Variants in RASSF3 observed in about 807,000 individuals in gnomAD.
RASSF3 encodes Ras association domain family member 3.
In RASSF3, 19 loss-of-function variants were observed where a neutral mutation model predicts 19.9. The observed-to-expected ratio is 0.96, with a 90% CI of 0.67 to 1.40. RASSF3 has a LOEUF of 1.40. Among genes scored for constraint, RASSF3 ranks in the 40% most tolerant of loss-of-function variants. RASSF3 has a pLI of 0.00. For synonymous variants in RASSF3, 110 were observed against 104.2 expected (o/e 1.06, Z -0.34); for missense variants, 306 against 289.8 (o/e 1.06, Z -0.41).
intron 1 of RASSF3, among the ~76,000 whole-genome samples, chr12:64,636,724 G>A (rs1476494819): frequency 6.6e-6 from 1 of 151,878 alleles, no homozygotes; most frequent in Non-Finnish European, 1.5e-5. Flanking sequence ...AAATTAGCCG[G>A]GCATGGTGGT....
chr12:64,535,210 T>A lies in RASSF3; in HGVS notation c.67+1876T>A, dbSNP rs1231016274. Among the ~76,000 whole-genome samples, 3 of 152,148 alleles carry A rather than the reference T, an allele frequency of 2.0e-5. No homozygotes were observed. In the East Asian group the frequency reaches 5.8e-4, roughly 29 times the overall value. On this transcript the variant is annotated intron_variant, in intron 1 of 1. Coordinates refer to the RASSF3 transcript ENST00000636333. ...TGGTCCATATAAGAGCATTCCATTC[T>A]ATTAAAATTACATTTATGGCCAAGC...
At chr12:64,535,582 T>C (rs921996410) in intron 1 of RASSF3, among the ~76,000 whole-genome samples, 3 of 152,058 alleles carry the variant, frequency 2.0e-5, no homozygotes, top group Non-Finnish European at 2.9e-5. Context: ...CCCAAGCTGG[T>C]CTCGAACTCC....
chr12:64,572,032 C>T lies in RASSF3; in HGVS notation c.294+30327C>T, dbSNP rs143821806. ...AAGCTACTCCTTACCTGGGATTAGA[C>T]CTAGTTACCTGGTTAATTCCTCCCA... is the stretch of plus-strand genomic sequence containing the variant. On this transcript the variant is annotated intron_variant, in intron 2 of 5. Coordinates refer to the RASSF3 transcript ENST00000637125. Among the ~76,000 whole-genome samples, 4 of 152,250 alleles carry T rather than the reference C, an allele frequency of 2.6e-5. No individual in the cohort carries two copies. In the East Asian group the frequency reaches 7.7e-4, roughly 29 times the overall value.
intron 2 of RASSF3, among the ~76,000 whole-genome samples, chr12:64,564,138 A>G (rs1278348890): frequency 6.6e-6 from 1 of 152,166 alleles, no homozygotes; most frequent in Non-Finnish European, 1.5e-5. Context: ...CAGTATCCCA[A>G]ATGTTGGGGT....
chr12:64,537,603 T>A (rs977810450), intron 1 of RASSF3, among the ~76,000 whole-genome samples: 2 of 152,180 alleles, frequency 1.3e-5, no homozygotes, highest in Non-Finnish European at 2.9e-5. Flanking sequence ...AACTTCTTAC[T>A]CAACATCTCT....
intron 1 of RASSF3, among the ~76,000 whole-genome samples, chr12:64,670,369 TG>T (rs1395782188): frequency 3.2e-5 from 2 of 63,294 alleles, no homozygotes; most frequent in Non-Finnish European, 6.5e-5. Context: ...TAGATTTTAC[TG>T]TTTTTTTTTT....
At chr12:64,555,404 A>G (rs1869239450) in intron 2 of RASSF3, among the ~76,000 whole-genome samples, 1 of 152,138 alleles carries the variant, frequency 6.6e-6, no homozygotes, top group South Asian at 2.1e-4. Context: ...TAAACAAGAA[A>G]TGTATACCTC....
intron 1 of RASSF3, among the ~76,000 whole-genome samples, chr12:64,675,165 A>G (rs1041354768): frequency 1.3e-5 from 2 of 151,528 alleles, no homozygotes; most frequent in Non-Finnish European, 2.9e-5. Context: ...CCTCTAATGA[A>G]TAGAATCTGC....
chr12:64,665,904 G>A (rs1259570217), intron 1 of RASSF3, among the ~76,000 whole-genome samples: 1 of 152,188 alleles, frequency 6.6e-6, no homozygotes, highest in African/African-American at 2.4e-5. Flanking sequence ...AATAGCAGTA[G>A]TAATAGTAAT....
rs1211660473 is a variant in RASSF3, at chr12:64,677,626, T to C, written c.112-7161T>C. 2.0e-5 allele frequency among the ~76,000 whole-genome samples: 3 copies of C among 152,256 alleles called. No homozygotes were observed. The East Asian group carries it at 5.8e-4, about 29-fold the overall frequency. On this transcript the variant is annotated intron_variant, in intron 1 of 4. Coordinates refer to ENST00000542104, the MANE Select transcript of RASSF3 (RefSeq NM_178169.4). ...GTTTTGGTACTGAAAGTGAAGAACATTGGACAGACATCAAACGTAAATACA... is the reference window on the plus strand; with the variant it reads ...GTTTTGGTACTGAAAGTGAAGAACACTGGACAGACATCAAACGTAAATACA...
chr12:64,636,865 CAAA>C (rs762865541), intron 1 of RASSF3, among the ~76,000 whole-genome samples: 1 of 63,500 alleles, frequency 1.6e-5, no homozygotes, highest in Non-Finnish European at 3.0e-5. Context: ...AACTCCGTCT[CAAA>C]AAAAAAAAAA....
intron 2 of RASSF3, 63 bp from the exon 3 acceptor site, chr12:64,688,153 A>G: frequency 8.7e-7 from 1 of 1,145,396 alleles, no homozygotes. Context: ...TTGTTTTGAT[A>G]TGCTTCTTCC....
At chr12:64,568,694 A>G (rs1485113751) in intron 2 of RASSF3, among the ~76,000 whole-genome samples, 1 of 151,000 alleles carries the variant, frequency 6.6e-6, no homozygotes, top group Non-Finnish European at 1.5e-5. Flanking sequence ...CCTAAGGTGT[A>G]ATAAGCCTTT....
intron 1 of RASSF3, among the ~76,000 whole-genome samples, chr12:64,655,793 G>A (rs1472793385): frequency 1.3e-5 from 2 of 151,936 alleles, no homozygotes; most frequent in East Asian, 1.9e-4. Context: ...TTGGGAGGCC[G>A]AGGCGGGCGG....
intron 2 of RASSF3, among the ~76,000 whole-genome samples, chr12:64,563,252 C>T (rs1053145233): frequency 1.3e-5 from 2 of 151,708 alleles, no homozygotes; most frequent in African/African-American, 2.4e-5. Flanking sequence ...CTACAACCTC[C>T]GCCTCCCAGG....
intron 1 of RASSF3, among the ~76,000 whole-genome samples, chr12:64,626,453 ACTC>A (rs1443379158): frequency 6.9e-6 from 1 of 145,446 alleles, no homozygotes; most frequent in African/African-American, 2.6e-5. Flanking sequence ...ATGCCACTGC[ACTC>A]CAGCCTGGGC....
At chr12:64,520,714 C>T (rs1298730670) in intron 1 of RASSF3, among the ~76,000 whole-genome samples, 18 of 150,224 alleles carry the variant, frequency 1.2e-4, no homozygotes, top group Admixed American at 3.3e-4. Context: ...AAAAGTATTG[C>T]GGTCATAATG....
chr12:64,550,046 T>C (rs1869131595), intron 2 of RASSF3, among the ~76,000 whole-genome samples: 1 of 152,092 alleles, frequency 6.6e-6, no homozygotes, highest in South Asian at 2.1e-4. Flanking sequence ...ATTAAGTGAT[T>C]TTACAAAAGA....
intron 2 of RASSF3, among the ~76,000 whole-genome samples, chr12:64,600,191 G>A (rs919958497): frequency 3.3e-5 from 5 of 152,008 alleles, no homozygotes; most frequent in Non-Finnish European, 5.9e-5. Context: ...AGGCACAGTG[G>A]CATGCATCTG....
Sources: gnomAD v4.1 joint callset for allele counts (sites outside exome capture counted in the v4.1 genomes callset) on GRCh38, gnomAD v4.1.1 for gene constraint, MANE v1.5 for transcripts, NCBI Gene and HGNC (gene_info 2026-07-23, HGNC 2026-07-21) for gene names.